Variants in SGCD observed in about 807,000 individuals in gnomAD.
The protein encoded by SGCD is delta-sarcoglycan.
A neutral mutation model predicts 36.6 loss-of-function variants in SGCD; 18 were observed. The ratio of observed to expected loss-of-function variants is 0.49; its 90% CI spans 0.34 to 0.73. The LOEUF (loss-of-function observed/expected upper bound fraction) is 0.73. Among genes scored for constraint, SGCD ranks in the 30% least tolerant of loss-of-function variants. SGCD has a pLI of 0.01. For missense variants in SGCD, 387 were observed against 346.7 expected, an observed-to-expected ratio of 1.12 and a Z score of -0.92; for synonymous variants, 133 against 130.6, an observed-to-expected ratio of 1.02 and a Z score of -0.12.
At chr5:156,079,009 G>A (rs562147680) in intron 1 of SGCD, among the ~76,000 whole-genome samples, 1 of 145,474 alleles carries the variant, frequency 6.9e-6, no homozygotes, top group Non-Finnish European at 1.5e-5. Context: ...GCTGAGACTG[G>A]GTAATTTGTA....
At chr5:156,513,520 G>C (rs1053973165) in intron 4 of SGCD, among the ~76,000 whole-genome samples, 3 of 152,128 alleles carry the variant, frequency 2.0e-5, no homozygotes, top group Non-Finnish European at 4.4e-5. Flanking sequence ...ATCACCTTCT[G>C]CTTTTCCTAT....
the SGCD span, among the ~76,000 whole-genome samples, chr5:155,854,507 A>G: frequency 1.3e-5 from 2 of 152,168 alleles, no homozygotes. Flanking sequence ...TTTGCCTCGT[A>G]TCACAGCTTC....
intron 1 of SGCD, among the ~76,000 whole-genome samples, chr5:155,921,219 T>G (rs1366010319): frequency 6.6e-6 from 1 of 152,142 alleles, no homozygotes; most frequent in Non-Finnish European, 1.5e-5. Context: ...TGAAATTTGG[T>G]ATTTCTTGGT....
At chr5:155,839,109 T>A in the SGCD span, among the ~76,000 whole-genome samples, 3 of 152,136 alleles carry the variant, frequency 2.0e-5, no homozygotes, top group African/African-American at 7.2e-5. Context: ...CAAATCTACA[T>A]TTCACATAAA....
chr5:155,745,329 G>T, the SGCD span, among the ~76,000 whole-genome samples: 3 of 152,126 alleles, frequency 2.0e-5, no homozygotes, highest in African/African-American at 7.2e-5. Flanking sequence ...TCTAACTTGT[G>T]TAATATTTTG....
intron 1 of SGCD, among the ~76,000 whole-genome samples, chr5:155,941,411 A>G (rs914324319): frequency 2.5e-4 from 38 of 152,128 alleles, no homozygotes; most frequent in African/African-American, 9.2e-4. Flanking sequence ...ATGGATAGTA[A>G]TTTTGTGGGA....
At position 155,942,334 on chromosome 5, in the gene SGCD, G is replaced by GTATC. The variant is rs67577711; in HGVS notation, c.-282+71938_-282+71941dup. ...TGTATGTATGTATGTATGTATGTAT[G>GTATC]TATCTATCTATCTATCTATCTATCT... is the stretch of plus-strand genomic sequence containing the variant. On this transcript the variant is annotated intron_variant, in intron 1 of 9. Transcript: ENST00000517913. Among the ~76,000 whole-genome samples the GTATC allele has an allele frequency of 7.8e-3, 1,074 of 138,486 alleles. 12 individuals are homozygous for GTATC. Among genetic ancestry groups the GTATC allele is most frequent in the Middle Eastern group, 0.014 (4 of 278 alleles). The allele number at this position is 138,486 out of a possible 152,430, so 90.9% of individuals were successfully genotyped here.
intron 3 of SGCD, among the ~76,000 whole-genome samples, chr5:156,149,748 A>G (rs1762790160): frequency 1.3e-5 from 2 of 152,274 alleles, no homozygotes; most frequent in African/African-American, 4.8e-5. Context: ...CCCTGCCTGA[A>G]GGAGGCTGGC....
chr5:156,534,892 A>G (rs769409556), intron 4 of SGCD, among the ~76,000 whole-genome samples: 1 of 152,184 alleles, frequency 6.6e-6, no homozygotes, highest in African/African-American at 2.4e-5. Flanking sequence ...TCGTGATAGA[A>G]GAAAGCCCTG....
At chr5:156,167,338 A>T (rs540689425) in intron 3 of SGCD, among the ~76,000 whole-genome samples, 5 of 152,190 alleles carry the variant, frequency 3.3e-5, no homozygotes, top group Non-Finnish European at 7.4e-5. Flanking sequence ...ATTATCCTAC[A>T]TTATATGTCA....
intron 7 of SGCD, among the ~76,000 whole-genome samples, chr5:156,741,360 GAC>G (rs1756663491): frequency 6.6e-6 from 1 of 152,176 alleles, no homozygotes; most frequent in Admixed American, 6.5e-5. Flanking sequence ...TTTCAAAACA[GAC>G]TTTGTGATAA....
At chr5:156,380,393 C>T (rs1289543492) in intron 3 of SGCD, among the ~76,000 whole-genome samples, 3 of 152,290 alleles carry the variant, frequency 2.0e-5, no homozygotes. Flanking sequence ...TAAATACAAC[C>T]TTCCTCCTAC....
intron 3 of SGCD, among the ~76,000 whole-genome samples, chr5:156,319,557 T>G (rs534854508): frequency 6.6e-6 from 1 of 152,314 alleles, no homozygotes; most frequent in African/African-American, 2.4e-5. Context: ...AACCAGATAA[T>G]GCATCTTGAA....
the SGCD span, among the ~76,000 whole-genome samples, chr5:155,835,381 T>G: frequency 6.6e-6 from 1 of 152,092 alleles, no homozygotes; most frequent in East Asian, 1.9e-4. Flanking sequence ...ATGCAAACAA[T>G]CTACAGAAAT....
At chr5:156,556,900 A>G (rs1759046315) in intron 4 of SGCD, among the ~76,000 whole-genome samples, 1 of 152,190 alleles carries the variant, frequency 6.6e-6, no homozygotes, top group African/African-American at 2.4e-5. Context: ...ATAAAGAGTC[A>G]TATGTTTTAC....
intron 3 of SGCD, among the ~76,000 whole-genome samples, chr5:156,376,132 A>G (rs1431000643): frequency 1.3e-5 from 2 of 152,218 alleles, no homozygotes; most frequent in African/African-American, 4.8e-5. Context: ...ACTCACCTGG[A>G]AACAGTGGCT....
chr5:155,781,904 A>G, the SGCD span, among the ~76,000 whole-genome samples: 3 of 152,154 alleles, frequency 2.0e-5, no homozygotes, highest in African/African-American at 4.8e-5. Flanking sequence ...CATGAAATGC[A>G]GAGATTCCTT....
chr5:156,642,894 T>A (rs1020288136), intron 6 of SGCD, among the ~76,000 whole-genome samples: 5 of 152,168 alleles, frequency 3.3e-5, no homozygotes, highest in Non-Finnish European at 7.4e-5. Flanking sequence ...TTCACTTCTT[T>A]AGGAAACTTA....
At chr5:156,486,921 G>T (rs1172460350) in intron 3 of SGCD, among the ~76,000 whole-genome samples, 1 of 152,058 alleles carries the variant, frequency 6.6e-6, no homozygotes, top group African/African-American at 2.4e-5. Context: ...TTGGTTCACT[G>T]CCCCTGTTAC....
Sources: gnomAD v4.1 joint callset for allele counts (sites outside exome capture counted in the v4.1 genomes callset) on GRCh38, gnomAD v4.1.1 for gene constraint, MANE v1.5 for transcripts, NCBI Gene and HGNC (gene_info 2026-07-23, HGNC 2026-07-21) for gene names.